Variants in CSMD1 observed in about 807,000 individuals in gnomAD.
CSMD1 encodes CUB and sushi domain-containing protein 1.
A neutral mutation model predicts 417.5 loss-of-function variants in CSMD1; 213 were observed. The ratio of observed to expected loss-of-function variants is 0.51; its 90% CI spans 0.46 to 0.57. The LOEUF is 0.57. Among genes scored for constraint, CSMD1 ranks in the 20% least tolerant of loss-of-function variants. The pLI is 0.00. For synonymous variants in CSMD1, 2,862 were observed against 1,736.8 expected (o/e 1.65, Z -16.11); for missense variants, 6,923 against 4,529.7 (o/e 1.53, Z -15.17).
At chr8:4,238,880 G>C (rs886886964) in intron 3 of CSMD1, among the ~76,000 whole-genome samples, 3 of 152,026 alleles carry the variant, frequency 2.0e-5, no homozygotes, top group South Asian at 4.2e-4. Context: ...AATTTTTTTA[G>C]CAAATGCTTT....
At chr8:3,988,092 T>A (rs933034753) in intron 5 of CSMD1, among the ~76,000 whole-genome samples, 3 of 152,226 alleles carry the variant, frequency 2.0e-5, no homozygotes, top group Admixed American at 6.5e-5. Context: ...TGAAATATTG[T>A]GATTTTTTTA....
At chr8:4,547,370 G>A (rs1715289857) in intron 2 of CSMD1, among the ~76,000 whole-genome samples, 2 of 152,160 alleles carry the variant, frequency 1.3e-5, no homozygotes, top group Non-Finnish European at 1.5e-5. Flanking sequence ...ACACGTATCT[G>A]AAAATATTAC....
chr8:3,120,432 G>C (rs1312865628), intron 41 of CSMD1, among the ~76,000 whole-genome samples: 1 of 152,182 alleles, frequency 6.6e-6, no homozygotes, highest in Non-Finnish European at 1.5e-5. Context: ...GTGCTGTTTG[G>C]AGTTTGTCTT....
intron 4 of CSMD1, among the ~76,000 whole-genome samples, chr8:4,004,513 C>G (rs897721076): frequency 1.3e-5 from 2 of 151,174 alleles, no homozygotes; most frequent in African/African-American, 4.9e-5. Flanking sequence ...TTATATTCAG[C>G]AACAATGAAA....
At chr8:3,535,115 ATT>A (rs397953536) in intron 10 of CSMD1, among the ~76,000 whole-genome samples, 2 of 147,626 alleles carry the variant, frequency 1.4e-5, no homozygotes, top group African/African-American at 5.0e-5. Context: ...GTCAGCTAAT[ATT>A]TTTTTTTTTT....
At chr8:3,553,655 T>A (rs938471190) in intron 10 of CSMD1, among the ~76,000 whole-genome samples, 2 of 152,216 alleles carry the variant, frequency 1.3e-5, no homozygotes, top group Non-Finnish European at 2.9e-5. Context: ...ACAACTTGAC[T>A]CTTTGTTAAC....
At chr8:3,729,940 A>C (rs1429280921) in intron 6 of CSMD1, among the ~76,000 whole-genome samples, 10 of 81,258 alleles carry the variant, frequency 1.2e-4, no homozygotes, top group East Asian at 4.0e-4. Context: ...AAAAAAAAAA[A>C]AAAAAAAAAA....
chr8:4,530,499 C>G (rs1563260790), intron 2 of CSMD1, among the ~76,000 whole-genome samples: 2 of 151,202 alleles, frequency 1.3e-5, no homozygotes, highest in Admixed American at 6.6e-5. Flanking sequence ...CCCCTTTCCC[C>G]CGACCCCCTG....
chr8:3,488,896 G>A (rs1160681479), intron 11 of CSMD1, among the ~76,000 whole-genome samples: 1 of 151,996 alleles, frequency 6.6e-6, no homozygotes, highest in Non-Finnish European at 1.5e-5. Flanking sequence ...TTTCTATTTG[G>A]TTTGATTTCT....
At position 3,789,651 on chromosome 8, in the gene CSMD1, C is replaced by T. The variant is rs575156596; in HGVS notation, c.819-35609G>A. On this transcript the variant is annotated intron_variant, in intron 5 of 69. Coordinates refer to ENST00000635120, the MANE Select transcript of CSMD1 (RefSeq NM_033225.6). ...TCCTCTAAAAAATAATAGTGAAAAC[C>T]CAAAATTGCTTAATGAGACATGTAT... is the stretch of plus-strand genomic sequence containing the variant. Among the ~76,000 whole-genome samples, 161 of 151,248 alleles carry T rather than the reference C, an allele frequency of 1.1e-3. No homozygotes were observed. The South Asian group carries it at 0.011, about 11-fold the overall frequency.
At chr8:3,728,731 G>C (rs765621639) in intron 6 of CSMD1, among the ~76,000 whole-genome samples, 2 of 152,206 alleles carry the variant, frequency 1.3e-5, no homozygotes, top group South Asian at 2.1e-4. Flanking sequence ...TGGTGGGCAT[G>C]GTCTGTCTTA....
intron 3 of CSMD1, among the ~76,000 whole-genome samples, chr8:4,110,857 T>C (rs1344841628): frequency 6.6e-6 from 1 of 152,110 alleles, no homozygotes; most frequent in African/African-American, 2.4e-5. Flanking sequence ...AGAGACTTTT[T>C]TCCTTGAAGA....
intron 39 of CSMD1, 104 bp downstream of exon 39, chr8:3,157,793 G>A: frequency 1.1e-6 from 1 of 943,758 alleles, no homozygotes; most frequent in Non-Finnish European, 1.7e-6. Flanking sequence ...CACGTGTTTT[G>A]AAATTAAGAA....
chr8:4,126,275 A>G (rs1802759235), intron 3 of CSMD1, among the ~76,000 whole-genome samples: 2 of 151,762 alleles, frequency 1.3e-5, no homozygotes, highest in Non-Finnish European at 2.9e-5. Context: ...TGCATGAATC[A>G]CTCTTTCTTC....
intron 1 of CSMD1, among the ~76,000 whole-genome samples, chr8:4,766,813 G>A (rs1427216447): frequency 1.3e-5 from 2 of 152,048 alleles, no homozygotes; most frequent in African/African-American, 4.8e-5. Flanking sequence ...TACATCAATG[G>A]ACATTATGTT....
intron 41 of CSMD1, among the ~76,000 whole-genome samples, chr8:3,132,522 C>G (rs1817847966): frequency 6.6e-6 from 1 of 152,098 alleles, no homozygotes; most frequent in African/African-American, 2.4e-5. Flanking sequence ...AGTTCAGTCT[C>G]ATCAGTTCTA....
At chr8:3,356,885 G>T (rs985777662) in intron 21 of CSMD1, among the ~76,000 whole-genome samples, 1 of 152,128 alleles carries the variant, frequency 6.6e-6, no homozygotes, top group Non-Finnish European at 1.5e-5. Context: ...TGATTGCTCT[G>T]ATTAGTAGGG....
chr8:4,168,234 C>A (rs773177802), intron 3 of CSMD1, among the ~76,000 whole-genome samples: 1 of 151,326 alleles, frequency 6.6e-6, no homozygotes, highest in East Asian at 1.9e-4. Flanking sequence ...TACACAAACA[C>A]ACACAAAAAA....
At chr8:3,260,832 A>T (rs375189214) in intron 26 of CSMD1, among the ~76,000 whole-genome samples, 1 of 152,222 alleles carries the variant, frequency 6.6e-6, no homozygotes. Flanking sequence ...TTGCTCTAAA[A>T]AAGACCCTGT....
Sources: allele counts gnomAD v4.1 joint callset (sites outside exome capture counted in the v4.1 genomes callset), GRCh38; gene constraint gnomAD v4.1.1; transcripts MANE v1.5; gene names NCBI Gene and HGNC (gene_info 2026-07-23, HGNC 2026-07-21).